Variants in GRID2 observed in about 807,000 individuals in gnomAD.
GRID2 encodes the protein glutamate receptor ionotropic, delta-2.
Under a neutral mutation model 114.8 loss-of-function variants are expected in GRID2, and 33 were observed. The observed-to-expected ratio is 0.29, with a 90% CI of 0.22 to 0.38. GRID2 has a LOEUF of 0.38. Among genes scored for constraint, GRID2 ranks in the 10% least tolerant of loss-of-function variants. The pLI is 1.00. For missense variants in GRID2, 1,184 were observed against 1,257.7 expected, an observed-to-expected ratio of 0.94 and a Z score of 0.89; for synonymous variants, 505 against 449.9, an observed-to-expected ratio of 1.12 and a Z score of -1.55.
chr4:92,318,578 G>A (rs549544050), intron 1 of GRID2, among the ~76,000 whole-genome samples: 5 of 133,658 alleles, frequency 3.7e-5, no homozygotes, highest in African/African-American at 1.1e-4. Flanking sequence ...GCAGTGGCAC[G>A]CTCATGGCTT....
At chr4:92,557,672 C>T (rs1726923583) in intron 1 of GRID2, among the ~76,000 whole-genome samples, 1 of 131,024 alleles carries the variant, frequency 7.6e-6, no homozygotes, top group African/African-American at 2.6e-5. Context: ...ACCAAACTGT[C>T]GATTTCATAT....
At chr4:92,614,556 C>G (rs1729909540) in intron 2 of GRID2, among the ~76,000 whole-genome samples, 1 of 151,350 alleles carries the variant, frequency 6.6e-6, no homozygotes, top group Non-Finnish European at 1.5e-5. Flanking sequence ...TGTTTTTTCC[C>G]TATGTGACCA....
At chr4:92,492,985 C>T (rs1038149566) in intron 1 of GRID2, among the ~76,000 whole-genome samples, 17 of 151,710 alleles carry the variant, frequency 1.1e-4, no homozygotes, top group Non-Finnish European at 5.9e-5. Flanking sequence ...AAAAATTAGC[C>T]AGGTGTGGTG....
At chr4:92,802,704 G>A (rs914925119) in intron 2 of GRID2, among the ~76,000 whole-genome samples, 1 of 151,830 alleles carries the variant, frequency 6.6e-6, no homozygotes, top group African/African-American at 2.4e-5. Flanking sequence ...GTGTTTCCCA[G>A]CTCTCTATTA....
intron 2 of GRID2, among the ~76,000 whole-genome samples, chr4:92,955,239 A>C (rs1219638165): frequency 1.9e-4 from 27 of 143,570 alleles, no homozygotes; most frequent in East Asian, 1.3e-3. Flanking sequence ...CCAACAGTGT[A>C]AAAGTGTTCC....
intron 1 of GRID2, among the ~76,000 whole-genome samples, chr4:92,396,584 G>A (rs1730501963): frequency 6.6e-6 from 1 of 151,992 alleles, no homozygotes; most frequent in Non-Finnish European, 1.5e-5. Flanking sequence ...AGGAGTGAGA[G>A]CCTAATTACG....
At chr4:93,211,562 T>G (rs953777709) in intron 5 of GRID2, among the ~76,000 whole-genome samples, 4 of 152,214 alleles carry the variant, frequency 2.6e-5, no homozygotes, top group African/African-American at 9.6e-5. Context: ...AGACCTCAAT[T>G]ATTTTCTTAT....
intron 14 of GRID2, among the ~76,000 whole-genome samples, chr4:93,717,281 A>AT (rs930540008): frequency 6.6e-6 from 1 of 151,950 alleles, no homozygotes; most frequent in African/African-American, 2.4e-5. Context: ...AAGGAGAAGT[A>AT]TTTTCTCAGT....
At chr4:92,699,036 T>C (rs901446381) in intron 2 of GRID2, among the ~76,000 whole-genome samples, 2 of 152,156 alleles carry the variant, frequency 1.3e-5, no homozygotes, top group African/African-American at 4.8e-5. Flanking sequence ...TTTTCTTTTC[T>C]ATTACTGTTT....
intron 1 of GRID2, among the ~76,000 whole-genome samples, chr4:92,360,503 C>T (rs1258824165): frequency 1.3e-5 from 2 of 151,854 alleles, no homozygotes; most frequent in African/African-American, 2.4e-5. Context: ...AAAAAAAATG[C>T]GGTTCTTTTC....
rs59542908 is a variant in GRID2, at chr4:93,200,151, T to G, written c.736-7253T>G. On this transcript the variant is annotated intron_variant, in intron 4 of 15. Transcript: ENST00000282020. ...AAAAATATATTATACACTATAAACT[T>G]TGTATACTACATACTCCCTTTTGTT... 2.6e-3 allele frequency among the ~76,000 whole-genome samples: 399 copies of G among 152,356 alleles called. 2 individuals carry two copies. The highest frequency in any genetic ancestry group is 9.3e-3 in the African/African-American group (385 of 41,576).
At position 93,316,319 on chromosome 4, in the gene GRID2, A is replaced by C. The variant is rs78218676; in HGVS notation, c.1245+77829A>C. Among the ~76,000 whole-genome samples, 280 of 45,256 alleles carry C rather than the reference A, an allele frequency of 6.2e-3. 5 individuals carry two copies. Among genetic ancestry groups the C allele is most frequent in the African/African-American group, 0.013 (118 of 9,344 alleles). 29.7% of individuals were successfully genotyped at this position (45,256 alleles called of 152,430 possible). On this transcript the variant is annotated intron_variant, in intron 8 of 15. Transcript: ENST00000282020. ...AAGAAAGAAAGAAAGAAAGAAAGAAAGAAAGAAAGAAAGAAAGAAAGAAGG... is the reference window on the plus strand; with the variant it reads ...AAGAAAGAAAGAAAGAAAGAAAGAACGAAAGAAAGAAAGAAAGAAAGAAGG...
At chr4:93,327,264 A>G (rs1757932555) in intron 8 of GRID2, among the ~76,000 whole-genome samples, 1 of 152,200 alleles carries the variant, frequency 6.6e-6, no homozygotes, top group African/African-American at 2.4e-5. Flanking sequence ...CTAGAAGTTT[A>G]TAAAACATTT....
chr4:93,008,845 A>C (rs1391554492), intron 2 of GRID2, among the ~76,000 whole-genome samples: 1 of 152,132 alleles, frequency 6.6e-6, no homozygotes, highest in East Asian at 1.9e-4. Context: ...ACTATGAAAG[A>C]GCTCTCAAAA....
chr4:92,313,117 GTGTGTA>G (rs1261825706), intron 1 of GRID2, among the ~76,000 whole-genome samples: 19 of 142,022 alleles, frequency 1.3e-4, no homozygotes, highest in South Asian at 4.4e-4. Context: ...GTGTGTGTGT[GTGTGTA>G]TATGAGATGG....
Position 92,498,337 on chromosome 4 carries a change from T to G in GRID2, c.89-91794T>G, listed in dbSNP as rs527987951. Among the ~76,000 whole-genome samples the G allele has an allele frequency of 7.9e-5, 12 of 151,994 alleles. No homozygotes were observed. The South Asian group carries it at 2.5e-3, about 31-fold the overall frequency. On this transcript the variant is annotated intron_variant, in intron 1 of 15. Coordinates refer to ENST00000282020, the MANE Select transcript of GRID2 (RefSeq NM_001510.4). ...AACTTATTTAGAAGAAATCTAAAAT[T>G]TATTAGAAATGATGAAGAACTTTGT... is the stretch of plus-strand genomic sequence containing the variant.
At chr4:93,444,466 C>G (rs1721909506) in intron 10 of GRID2, among the ~76,000 whole-genome samples, 1 of 151,998 alleles carries the variant, frequency 6.6e-6, no homozygotes, top group Non-Finnish European at 1.5e-5. Context: ...AGAAAAAAAT[C>G]TATTGAAATA....
intron 10 of GRID2, among the ~76,000 whole-genome samples, chr4:93,423,838 G>A (rs1317059151): frequency 6.6e-6 from 1 of 151,852 alleles, no homozygotes. Flanking sequence ...TGAATAGTTG[G>A]GTTTAGGTTT....
At chr4:92,942,342 C>T (rs1011398139) in intron 2 of GRID2, among the ~76,000 whole-genome samples, 3 of 151,988 alleles carry the variant, frequency 2.0e-5, no homozygotes, top group Non-Finnish European at 1.5e-5. Flanking sequence ...TTTGTCTCTT[C>T]TGATATTTGT....
Sources: gnomAD v4.1 joint callset for allele counts (sites outside exome capture counted in the v4.1 genomes callset) on GRCh38, gnomAD v4.1.1 for gene constraint, MANE v1.5 for transcripts, NCBI Gene and HGNC (gene_info 2026-07-23, HGNC 2026-07-21) for gene names.